RASAL2: variants seen among roughly 807,000 people sequenced by gnomAD.
RASAL2 encodes RAS protein activator like 2.
In RASAL2, 58 loss-of-function variants were observed where a neutral mutation model predicts 128.9. The observed-to-expected ratio is 0.45, with a 90% CI of 0.36 to 0.56. The LOEUF (loss-of-function observed/expected upper bound fraction) is 0.56. RASAL2 is among the 20% of genes least tolerant of loss of function. The pLI, the probability that RASAL2 is intolerant of heterozygous loss-of-function variation, is 0.00. For synonymous variants in RASAL2, 561 were observed against 580.8 expected, an observed-to-expected ratio of 0.97 and a Z score of 0.49; for missense variants, 1,360 against 1,601.6, an observed-to-expected ratio of 0.85 and a Z score of 2.57.
intron 4 of RASAL2, chr1:178,411,767 C>T (rs1475339672): frequency 3.4e-5 from 27 of 789,832 alleles, no homozygotes; most frequent in African/African-American, 1.0e-4. Flanking sequence ...GATGAATCCT[C>T]GCCATGTGCT....
intron 1 of RASAL2, among the ~76,000 whole-genome samples, chr1:178,274,815 T>G (rs917529996): frequency 6.6e-6 from 1 of 152,134 alleles, no homozygotes; most frequent in African/African-American, 2.4e-5. Flanking sequence ...GGTCTTGAAC[T>G]CTGGAGCTCA....
intron 3 of RASAL2, among the ~76,000 whole-genome samples, chr1:178,368,716 C>T (rs772622590): frequency 6.6e-6 from 1 of 151,898 alleles, no homozygotes; most frequent in East Asian, 1.9e-4. Context: ...TAGCTCACTG[C>T]AGCCTCAAAC....
intron 3 of RASAL2, among the ~76,000 whole-genome samples, chr1:178,381,133 A>C (rs1320705629): frequency 6.6e-6 from 1 of 152,206 alleles, no homozygotes; most frequent in Non-Finnish European, 1.5e-5. Flanking sequence ...GAAAGGACTA[A>C]ATATGCAAAG....
chr1:178,258,100 C>A (rs1665468336), intron 1 of RASAL2, among the ~76,000 whole-genome samples: 1 of 151,814 alleles, frequency 6.6e-6, no homozygotes, highest in African/African-American at 2.4e-5. Context: ...GGGAGACGAT[C>A]CTGGCTAAAC....
At chr1:178,397,694 C>T (rs1673329573) in intron 4 of RASAL2, among the ~76,000 whole-genome samples, 1 of 151,738 alleles carries the variant, frequency 6.6e-6, no homozygotes. Flanking sequence ...ACTGCAGCCT[C>T]AACAACCCAG....
At chr1:178,325,080 T>C (rs1412923907) in intron 3 of RASAL2, among the ~76,000 whole-genome samples, 1 of 152,230 alleles carries the variant, frequency 6.6e-6, no homozygotes, top group Admixed American at 6.5e-5. Flanking sequence ...TGTTAACATG[T>C]TTCCTCATTT....
intron 4 of RASAL2, among the ~76,000 whole-genome samples, chr1:178,393,769 A>G (rs1673054741): frequency 1.3e-5 from 2 of 152,218 alleles, no homozygotes; most frequent in African/African-American, 2.4e-5. Context: ...GATCATCTTT[A>G]TAACAACCCC....
At chr1:178,206,518 G>C (rs1254995494) in intron 1 of RASAL2, among the ~76,000 whole-genome samples, 1 of 152,168 alleles carries the variant, frequency 6.6e-6, no homozygotes, top group Non-Finnish European at 1.5e-5. Context: ...CCAAAATATA[G>C]TTGCATGGCT....
intron 4 of RASAL2, among the ~76,000 whole-genome samples, chr1:178,401,303 A>G (rs766787599): frequency 1.3e-5 from 2 of 152,248 alleles, no homozygotes; most frequent in Non-Finnish European, 2.9e-5. Context: ...TAAAGGGTCT[A>G]CAATAAATCT....
At chr1:178,421,970 A>C (rs1378338417) in intron 5 of RASAL2, among the ~76,000 whole-genome samples, 1 of 152,060 alleles carries the variant, frequency 6.6e-6, no homozygotes, top group Non-Finnish European at 1.5e-5. Context: ...AGGAATTCAA[A>C]GCATTTTATT....
intron 1 of RASAL2, among the ~76,000 whole-genome samples, chr1:178,182,421 G>A (rs544865125): frequency 7.9e-5 from 12 of 152,214 alleles, no homozygotes; most frequent in Admixed American, 2.6e-4. Context: ...CTAGGCACTA[G>A]GTATGTTTGT....
At chr1:178,402,131 A>G (rs1572008489) in intron 4 of RASAL2, among the ~76,000 whole-genome samples, 1 of 152,194 alleles carries the variant, frequency 6.6e-6, no homozygotes. Flanking sequence ...AAAAGATACT[A>G]TAGGCTGGGT....
chr1:178,191,888 C>G (rs1207495256), intron 1 of RASAL2, among the ~76,000 whole-genome samples: 3 of 152,118 alleles, frequency 2.0e-5, no homozygotes, highest in Non-Finnish European at 4.4e-5. Context: ...AATAACAACA[C>G]ACACTGGATA....
intron 4 of RASAL2, among the ~76,000 whole-genome samples, chr1:178,407,409 G>A (rs1674065666): frequency 6.6e-6 from 1 of 152,158 alleles, no homozygotes; most frequent in Non-Finnish European, 1.5e-5. Flanking sequence ...GAGCAAGGAA[G>A]GGAATTATTT....
chr1:178,478,643 A>G lies in RASAL2; in HGVS notation c.*5404A>G, dbSNP rs1558025359. 1 of 152,196 alleles carries G rather than the reference A, an allele frequency of 6.6e-6. No homozygotes were observed. The highest frequency in any genetic ancestry group is 1.5e-5 in the Non-Finnish European group (1 of 68,036). The allele number at this position is 152,196 out of a possible 1,614,324, so 9.4% of individuals were successfully genotyped here. A position where few individuals can be genotyped will look rare whatever the true frequency, so the allele number is the denominator to read the frequency against. On this transcript the variant is annotated 3_prime_UTR_variant, in exon 18 of 18. Transcript: ENST00000367649. ...AACCCAAGATTTTATTTTATTTTTA[A>G]AGCCATATTTTTGTGCTAGTAGCAT...
intron 1 of RASAL2, among the ~76,000 whole-genome samples, chr1:178,111,197 T>C (rs1467743214): frequency 6.6e-6 from 1 of 152,188 alleles, no homozygotes; most frequent in Non-Finnish European, 1.5e-5. Flanking sequence ...TTGAGTTGTT[T>C]TTAGTTTTTG....
chr1:178,335,723 A>G (rs369590895), intron 3 of RASAL2, among the ~76,000 whole-genome samples: 6 of 152,210 alleles, frequency 3.9e-5, no homozygotes, highest in African/African-American at 1.4e-4. Context: ...AACAAATGAA[A>G]AAGCACATAA....
intron 1 of RASAL2, among the ~76,000 whole-genome samples, chr1:178,259,080 G>A (rs1462659753): frequency 6.6e-6 from 1 of 151,266 alleles, no homozygotes; most frequent in African/African-American, 2.4e-5. Flanking sequence ...TCTTAGGGCC[G>A]AGGGGGATGG....
intron 3 of RASAL2, among the ~76,000 whole-genome samples, chr1:178,354,229 C>T (rs1670673595): frequency 6.6e-6 from 1 of 152,146 alleles, no homozygotes; most frequent in South Asian, 2.1e-4. Context: ...AATAGTTTAC[C>T]ATTAATGAAC....
Sources: gnomAD v4.1 joint callset for allele counts (sites outside exome capture counted in the v4.1 genomes callset) on GRCh38, gnomAD v4.1.1 for gene constraint, MANE v1.5 for transcripts, NCBI Gene and HGNC (gene_info 2026-07-23, HGNC 2026-07-21) for gene names.